Variants in AMD1 observed in about 807,000 individuals in gnomAD.
AMD1 encodes adenosylmethionine decarboxylase 1, also known as S-adenosylmethionine decarboxylase proenzyme.
A neutral mutation model predicts 40.2 loss-of-function variants in AMD1; 11 were observed. The observed-to-expected ratio is 0.27, with a 90% CI of 0.17 to 0.45. AMD1 has a LOEUF of 0.45. Ranked by LOEUF, AMD1 falls within the 20% of genes least tolerant of loss-of-function variation. AMD1 has a pLI of 1.00. For synonymous variants in AMD1, 121 were observed against 130.8 expected (o/e 0.93, Z 0.51); for missense variants, 257 against 410.2 (o/e 0.63, Z 3.23).
At chr6:110,820,035 G>A in the AMD1 span, among the ~76,000 whole-genome samples, 1 of 152,134 alleles carries the variant, frequency 6.6e-6, no homozygotes, top group African/African-American at 2.4e-5. Flanking sequence ...TCAATTCTGG[G>A]AAATCCCCAT....
At chr6:110,878,245 C>T (rs1183954667) in intron 1 of AMD1, among the ~76,000 whole-genome samples, 3 of 152,224 alleles carry the variant, frequency 2.0e-5, no homozygotes, top group South Asian at 2.1e-4. Flanking sequence ...ACGATATTTA[C>T]CTTTCATATT....
the AMD1 span, among the ~76,000 whole-genome samples, chr6:110,844,844 A>G: frequency 6.6e-6 from 1 of 152,084 alleles, no homozygotes; most frequent in Non-Finnish European, 1.5e-5. Context: ...GTAATTTATA[A>G]AGAAAAGATG....
chr6:110,847,068 GT>G, the AMD1 span, among the ~76,000 whole-genome samples: 1 of 126,054 alleles, frequency 7.9e-6, no homozygotes. Flanking sequence ...TGTGTGGTGT[GT>G]GTGTGTGTGT....
At chr6:110,884,189 A>G (rs1016855941) in intron 1 of AMD1, among the ~76,000 whole-genome samples, 1 of 152,240 alleles carries the variant, frequency 6.6e-6, no homozygotes, top group East Asian at 1.9e-4. Context: ...CACTGGAACC[A>G]TAACACAACC....
the AMD1 span, among the ~76,000 whole-genome samples, chr6:110,820,593 T>C: frequency 6.6e-6 from 1 of 151,624 alleles, no homozygotes; most frequent in Non-Finnish European, 1.5e-5. Flanking sequence ...AAATGGTTAG[T>C]AAATGATTAT....
intron 1 of AMD1, among the ~76,000 whole-genome samples, chr6:110,887,024 A>C (rs960071540): frequency 2.6e-5 from 4 of 152,178 alleles, no homozygotes; most frequent in Non-Finnish European, 5.9e-5. Context: ...TGTAATTGGC[A>C]GTCATTCCAG....
At chr6:110,878,905 A>T (rs1785250653) in intron 1 of AMD1, among the ~76,000 whole-genome samples, 1 of 152,158 alleles carries the variant, frequency 6.6e-6, no homozygotes, top group Non-Finnish European at 1.5e-5. Flanking sequence ...CAAACTCATG[A>T]CTTATTTGAC....
the AMD1 span, among the ~76,000 whole-genome samples, chr6:110,847,158 G>C: frequency 6.6e-6 from 1 of 151,962 alleles, no homozygotes; most frequent in Non-Finnish European, 1.5e-5. Context: ...GGCTAAGCAA[G>C]TCTGAAATCT....
intron 1 of AMD1, among the ~76,000 whole-genome samples, chr6:110,886,306 T>A (rs1212075437): frequency 6.6e-6 from 1 of 152,110 alleles, no homozygotes; most frequent in Non-Finnish European, 1.5e-5. Flanking sequence ...AAATTTTTCT[T>A]CTTTTTTTAA....
the AMD1 span, among the ~76,000 whole-genome samples, chr6:110,835,343 A>G: frequency 0.041 from 6,251 of 152,166 alleles, 223 homozygotes; most frequent in Non-Finnish European, 0.054. Context: ...ATGATACTAC[A>G]TAAAAACTCA....
chr6:110,815,441 G>C, the AMD1 span: 18 of 247,306 alleles, frequency 7.3e-5, no homozygotes, highest in Admixed American at 9.8e-4. Context: ...CCGCGCCGTG[G>C]CTTCCTCGAG....
intron 1 of AMD1, among the ~76,000 whole-genome samples, chr6:110,884,501 A>G (rs1356025030): frequency 1.3e-5 from 2 of 152,140 alleles, no homozygotes; most frequent in Non-Finnish European, 2.9e-5. Flanking sequence ...CGGTGTGATC[A>G]TGGTTCACTG....
rs1675321993 is a variant in AMD1 at position 110,875,173 on chromosome 6, C to T, written c.68C>T (p.Pro23Leu). The T allele has an allele frequency of 6.2e-7, 1 of 1,613,134 alleles. No individual in the cohort carries two copies. The highest frequency in any genetic ancestry group is 1.3e-5 in the African/African-American group (1 of 74,988). The change falls in exon 1 of 9, where the codon CCC becomes CTC. Residue 23 changes from proline (P) to leucine (L), a missense_variant. Pro to Leu is a moderately conservative substitution (Grantham distance 98). This residue lies in a region of AMD1 where 57 missense variants were observed against 76.8 expected (regional missense o/e 0.74). Coordinates refer to ENST00000368885, the MANE Select transcript of AMD1 (RefSeq NM_001634.6). Reference protein sequence around the residue: ...LLEVWFSRQQPDANQGSGDLR... With the variant: ...LLEVWFSRQQLDANQGSGDLR... ...GAGGTTTGGTTCTCCCGGCAGCAGC[C>T]CGACGCAAACCAAGGATCTGGGGAT...
At chr6:110,879,903 G>C (rs1466899277) in intron 1 of AMD1, among the ~76,000 whole-genome samples, 2 of 151,986 alleles carry the variant, frequency 1.3e-5, no homozygotes, top group Non-Finnish European at 2.9e-5. Flanking sequence ...TCTATGTATT[G>C]AGTTTTCAGG....
the AMD1 span, among the ~76,000 whole-genome samples, chr6:110,835,598 G>T: frequency 6.6e-6 from 1 of 152,004 alleles, no homozygotes; most frequent in African/African-American, 2.4e-5. Context: ...GGGCGCAGTG[G>T]TTCACGCCTG....
At chr6:110,881,475 C>CA (rs1785406505) in intron 1 of AMD1, among the ~76,000 whole-genome samples, 1 of 152,092 alleles carries the variant, frequency 6.6e-6, no homozygotes, top group African/African-American at 2.4e-5. Context: ...AGGAAATACT[C>CA]AATCTACATA....
Position 110,893,641 on chromosome 6 carries a change from A to G in AMD1, c.*25A>G. The stretch of plus-strand genomic sequence containing the variant: ...ATTAAGAAAAATGAAGAAAAAACGC[A>G]AAAAGAGAACACATGTAGAAGGTGG... On this transcript the variant is annotated 3_prime_UTR_variant, in exon 9 of 9. Coordinates refer to ENST00000368885, the MANE Select transcript of AMD1 (RefSeq NM_001634.6). The G allele has an allele frequency of 6.2e-7, 1 of 1,607,336 alleles. No homozygotes were observed. Among genetic ancestry groups the G allele is most frequent in the Non-Finnish European group, 8.5e-7 (1 of 1,179,332 alleles).
chr6:110,847,785 C>T, the AMD1 span, among the ~76,000 whole-genome samples: 1 of 151,028 alleles, frequency 6.6e-6, no homozygotes, highest in African/African-American at 2.4e-5. Context: ...AATCTTGGCT[C>T]ACTGCAACCT....
the AMD1 span, among the ~76,000 whole-genome samples, chr6:110,846,825 G>A: frequency 4.7e-5 from 7 of 150,424 alleles, no homozygotes; most frequent in Middle Eastern, 3.5e-3. Flanking sequence ...AGCTGAGATC[G>A]CGCCACTGCA....
Sources: allele counts gnomAD v4.1 joint callset (sites outside exome capture counted in the v4.1 genomes callset), GRCh38; gene constraint gnomAD v4.1.1; regional missense constraint gnomAD v4.1.1; transcripts MANE v1.5; gene names NCBI Gene and HGNC (gene_info 2026-07-23, HGNC 2026-07-21).